TRAPPC9: variants seen among roughly 807,000 people sequenced by gnomAD.
The protein encoded by TRAPPC9 is trafficking protein particle complex subunit 9.
A neutral mutation model predicts 124.0 loss-of-function variants in TRAPPC9; 83 were observed. The observed-to-expected ratio is 0.67, with a 90% CI of 0.56 to 0.80. The LOEUF is 0.80. Ranked by LOEUF, TRAPPC9 falls within the 30% of genes least tolerant of loss-of-function variation. TRAPPC9 has a pLI of 0.00. For missense variants in TRAPPC9, 1,302 were observed against 1,508.3 expected (o/e 0.86, Z 2.27); for synonymous variants, 638 against 617.5 (o/e 1.03, Z -0.49).
At chr8:140,372,935 C>T (rs2068324162) in intron 7 of TRAPPC9, among the ~76,000 whole-genome samples, 1 of 152,242 alleles carries the variant, frequency 6.6e-6, no homozygotes, top group Admixed American at 6.5e-5. Context: ...CACTAGACCC[C>T]TTCAGGACTG....
chr8:139,782,358 C>T (rs1443434915), intron 21 of TRAPPC9, among the ~76,000 whole-genome samples: 1 of 152,154 alleles, frequency 6.6e-6, no homozygotes, highest in Non-Finnish European at 1.5e-5. Context: ...CTAGCCTGGC[C>T]ACAGGGGCCC....
At chr8:140,242,136 CAGAGAGAGAGAGAGAGAG>C (rs36214777) in intron 16 of TRAPPC9, among the ~76,000 whole-genome samples, 5 of 146,170 alleles carry the variant, frequency 3.4e-5, no homozygotes, top group African/African-American at 1.3e-4. Flanking sequence ...AAGAGGCAGA[CAGAGAGAGAGAGAGAGAG>C]AGAGAGAGAG....
At chr8:140,443,118 C>A (rs113137002) in intron 2 of TRAPPC9, among the ~76,000 whole-genome samples, 11,843 of 102,900 alleles carry the variant, frequency 0.12, 1,194 homozygotes, top group East Asian at 0.49. Flanking sequence ...GGCAACGGAG[C>A]GAGACTCCAT....
chr8:139,789,316 T>C (rs1822490510), intron 21 of TRAPPC9, among the ~76,000 whole-genome samples: 1 of 152,178 alleles, frequency 6.6e-6, no homozygotes, highest in Admixed American at 6.5e-5. Flanking sequence ...AACTGAGGAT[T>C]CCATGGTCTT....
At chr8:140,119,209 G>A (rs1375004776) in intron 17 of TRAPPC9, among the ~76,000 whole-genome samples, 2 of 152,264 alleles carry the variant, frequency 1.3e-5, no homozygotes, top group African/African-American at 4.8e-5. Flanking sequence ...GCGTCCTGCA[G>A]CCAGCAAGCA....
chr8:140,329,439 G>A (rs1166714743), intron 9 of TRAPPC9, among the ~76,000 whole-genome samples: 2 of 152,178 alleles, frequency 1.3e-5, no homozygotes, highest in Admixed American at 6.5e-5. Context: ...GGGAGCACAT[G>A]GCATTTCAAG....
chr8:139,826,505 GCAC>G (rs1825653619), intron 21 of TRAPPC9, among the ~76,000 whole-genome samples: 1 of 152,162 alleles, frequency 6.6e-6, no homozygotes, highest in South Asian at 2.1e-4. Flanking sequence ...CCTGTGAGTG[GCAC>G]CAAATAAACG....
intron 9 of TRAPPC9, among the ~76,000 whole-genome samples, chr8:140,319,407 A>G (rs974214211): frequency 1.3e-5 from 2 of 151,882 alleles, no homozygotes; most frequent in East Asian, 1.9e-4. Flanking sequence ...TCGATCTCCT[A>G]ACCTCCTGAT....
chr8:140,441,827 A>G (rs910284341), intron 2 of TRAPPC9, among the ~76,000 whole-genome samples: 8 of 152,286 alleles, frequency 5.3e-5, no homozygotes, highest in Middle Eastern at 3.4e-3. Flanking sequence ...GGCCTCCCAC[A>G]GTGCTAGATT....
intron 17 of TRAPPC9, among the ~76,000 whole-genome samples, chr8:140,070,218 G>A (rs1372665578): frequency 6.6e-6 from 1 of 152,212 alleles, no homozygotes; most frequent in Non-Finnish European, 1.5e-5. Context: ...ACACTTGGAA[G>A]GGCATCTTCA....
At chr8:140,160,589 G>A (rs1268812293) in intron 17 of TRAPPC9, among the ~76,000 whole-genome samples, 1 of 135,894 alleles carries the variant, frequency 7.4e-6, no homozygotes, top group Non-Finnish European at 1.5e-5. Context: ...GGTGGGAATT[G>A]AACAATGAGA....
At chr8:139,997,274 G>T (rs949606857) in intron 18 of TRAPPC9, among the ~76,000 whole-genome samples, 1 of 151,704 alleles carries the variant, frequency 6.6e-6, no homozygotes, top group Non-Finnish European at 1.5e-5. Context: ...TCACAGGGGA[G>T]ACAATGCACC....
chr8:139,932,461 G>C, intron 19 of TRAPPC9: 4 of 457,740 alleles, frequency 8.7e-6, no homozygotes, highest in Middle Eastern at 6.6e-4. Flanking sequence ...CTGACTCCTG[G>C]GGTAGAAATG....
chr8:139,822,331 T>C (rs1825307472), intron 21 of TRAPPC9, among the ~76,000 whole-genome samples: 1 of 152,154 alleles, frequency 6.6e-6, no homozygotes, highest in Non-Finnish European at 1.5e-5. Context: ...GGAGATGATC[T>C]CCACAGCCTT....
At chr8:139,749,029 G>A (rs1819141476) in intron 21 of TRAPPC9, among the ~76,000 whole-genome samples, 1 of 152,144 alleles carries the variant, frequency 6.6e-6, no homozygotes. Flanking sequence ...GATTGTGGAT[G>A]TAGAAATGAC....
chr8:139,804,166 C>A (rs1167966673), intron 21 of TRAPPC9, among the ~76,000 whole-genome samples: 3 of 128,640 alleles, frequency 2.3e-5, no homozygotes, highest in Non-Finnish European at 5.1e-5. Flanking sequence ...CCACCAAGCA[C>A]CACCACCACC....
At chr8:139,908,623 TG>T (rs1831513000) in intron 20 of TRAPPC9, 1 of 152,148 alleles carries the variant, frequency 6.6e-6, no homozygotes, top group African/African-American at 2.4e-5. Context: ...TTACCTGGGT[TG>T]GTCCCTGGCC....
chr8:140,286,414 A>G (rs777165163), intron 13 of TRAPPC9, among the ~76,000 whole-genome samples: 16 of 152,196 alleles, frequency 1.1e-4, no homozygotes, highest in Non-Finnish European at 1.6e-4. Context: ...GCCGGGCCAC[A>G]GATGGGAGGT....
chr8:140,186,593 T>C (rs2062360113), intron 17 of TRAPPC9, among the ~76,000 whole-genome samples: 1 of 152,172 alleles, frequency 6.6e-6, no homozygotes, highest in Non-Finnish European at 1.5e-5. Flanking sequence ...ATTAAATGGC[T>C]ACTCATATTT....
Sources: gnomAD v4.1 joint callset for allele counts (sites outside exome capture counted in the v4.1 genomes callset) on GRCh38, gnomAD v4.1.1 for gene constraint, MANE v1.5 for transcripts, NCBI Gene and HGNC (gene_info 2026-07-23, HGNC 2026-07-21) for gene names.